Variants in PLCB3 observed in about 807,000 individuals in gnomAD.
PLCB3 encodes 1-phosphatidylinositol 4,5-bisphosphate phosphodiesterase beta-3.
A neutral mutation model predicts 152.1 loss-of-function variants in PLCB3; 54 were observed. The ratio of observed to expected loss-of-function variants is 0.36; its 90% CI spans 0.29 to 0.45. The LOEUF (loss-of-function observed/expected upper bound fraction) is 0.45, where lower values mean the gene tolerates loss of function less well. PLCB3 is among the 20% of genes least tolerant of loss of function. PLCB3 has a pLI of 1.00. For missense variants in PLCB3, 1,248 were observed against 1,687.5 expected, an observed-to-expected ratio of 0.74 and a Z score of 4.56; for synonymous variants, 717 against 698.7, an observed-to-expected ratio of 1.03 and a Z score of -0.41.
intron 10 of PLCB3, among the ~76,000 whole-genome samples, chr11:64,257,016 T>TTTTTTG (rs2031574155): frequency 8.3e-6 from 1 of 120,590 alleles, no homozygotes; most frequent in Non-Finnish European, 1.8e-5. Flanking sequence ...TTTTTTTTTT[T>TTTTTTG]TTTTTGAGAC....
chr11:64,263,022 TG>T (rs1421405651), intron 19 of PLCB3, among the ~76,000 whole-genome samples: 1 of 152,098 alleles, frequency 6.6e-6, no homozygotes, highest in East Asian at 1.9e-4. Flanking sequence ...AGATGGGGGT[TG>T]GGGGGTGTCA....
chr11:64,254,623 G>A, intron 2 of PLCB3, 125 bp from the exon 3 acceptor site: 1 of 1,362,296 alleles, frequency 7.3e-7, no homozygotes. Context: ...AGTGCTCAGG[G>A]CAGGAGCTGA....
At chr11:64,251,782 C>G in intron 1 of PLCB3, 34 bp downstream of exon 1, 2 of 1,246,894 alleles carry the variant, frequency 1.6e-6, no homozygotes, top group Non-Finnish European at 2.1e-6. Flanking sequence ...GCCCAAATCC[C>G]GGGACTCTTT....
intron 10 of PLCB3, among the ~76,000 whole-genome samples, chr11:64,257,333 G>A (rs1333122859): frequency 6.6e-6 from 1 of 152,100 alleles, no homozygotes. Flanking sequence ...GCTGGAAGGG[G>A]GTTGGGTGCG....
chr11:64,261,823 CA>C lies in PLCB3; in HGVS notation c.1914-128del, dbSNP rs2031867372. On this transcript the variant is annotated intron_variant, in intron 16 of 30. Coordinates refer to ENST00000279230, the MANE Select transcript of PLCB3 (RefSeq NM_000932.5). ...GGGCTTGGGCAGATCCAGGCAGTCT[CA>C]GGGGGCATGGCTAGGCTAAGAAACA... 4 of 1,479,740 alleles carry C rather than the reference CA, an allele frequency of 2.7e-6. No individual in the cohort carries two copies. In the Admixed American group the frequency reaches 7.0e-5, roughly 26 times the overall value. 91.7% of individuals were successfully genotyped at this position (1,479,740 alleles called of 1,614,324 possible). A position where few individuals can be genotyped will look rare whatever the true frequency, so the allele number is the denominator to read the frequency against.
chr11:64,264,575 G>GTCCTCT (rs2032019613), intron 22 of PLCB3, among the ~76,000 whole-genome samples: 1 of 152,164 alleles, frequency 6.6e-6, no homozygotes, highest in South Asian at 2.1e-4. Flanking sequence ...CTGCGGTTGA[G>GTCCTCT]TCCTCTGTTG....
chr11:64,255,631 G>GGGGGGGGGC lies in PLCB3; in HGVS notation c.597+15_597+16insGGGGGGGGC. 3.3e-6 allele frequency: 2 copies of GGGGGGGGGC among 604,018 alleles called. No homozygotes were observed. Among genetic ancestry groups the GGGGGGGGGC allele is most frequent in the Non-Finnish European group, 6.2e-6 (2 of 321,524 alleles). The allele number at this position is 604,018 out of a possible 1,614,324, so 37.4% of individuals were successfully genotyped here. A position where few individuals can be genotyped will look rare whatever the true frequency, so the allele number is the denominator to read the frequency against. ...AATTCAACCGGGTGTGTGGGGTGGG[G>GGGGGGGGGC]ACAGGGGCGGGGTGGGGTGTCACGG... is the stretch of plus-strand genomic sequence containing the variant. On this transcript the variant is annotated intron_variant, in intron 7 of 30. Coordinates refer to ENST00000279230, the MANE Select transcript of PLCB3 (RefSeq NM_000932.5). This position sits in a 1 kb window ranked among gnomAD's most constrained non-coding sequence, Gnocchi z 6.8.
At position 64,258,807 on chromosome 11, in the gene PLCB3, A is replaced by G; in HGVS notation, c.1254-78A>G. Reference sequence around the variant, plus strand: ...TGCTCAGGGACCTCCAACCCTGCGAACGGCCACTGACATGTCCCGTAGACC... The same window carrying G: ...TGCTCAGGGACCTCCAACCCTGCGAGCGGCCACTGACATGTCCCGTAGACC... On this transcript the variant is annotated intron_variant, in intron 11 of 30. Coordinates refer to ENST00000279230, the MANE Select transcript of PLCB3 (RefSeq NM_000932.5). This position sits in a 1 kb window ranked among gnomAD's most constrained non-coding sequence, Gnocchi z 7.2. The G allele has an allele frequency of 6.2e-7, 1 of 1,602,770 alleles. No individual in the cohort carries two copies. Among genetic ancestry groups the G allele is most frequent in the Non-Finnish European group, 8.5e-7 (1 of 1,170,400 alleles).
chr11:64,255,634 AGGGGC>A lies in PLCB3; in HGVS notation c.597+23_597+27del. ...TCAACCGGGTGTGTGGGGTGGGGAC[AGGGGC>A]GGGGTGGGGTGTCACGGTGGGCACC... On this transcript the variant is annotated intron_variant, in intron 7 of 30. Transcript: ENST00000279230. The surrounding 1 kb of genome is among the most constrained non-coding windows in gnomAD (Gnocchi z 6.8). The A allele has an allele frequency of 1.7e-6, 1 of 583,270 alleles. No individual in the cohort carries two copies. Among genetic ancestry groups the A allele is most frequent in the Non-Finnish European group, 3.1e-6 (1 of 325,596 alleles). 36.1% of individuals were successfully genotyped at this position (583,270 alleles called of 1,614,324 possible).
Position 64,258,903 on chromosome 11 carries a change from G to A in PLCB3, c.1272G>A (p.Lys424=). ...NHVDSAKQQA[K]MAEYCRSIFG... is the part of the protein sequence containing the mutation. ...TCCGCAGGGCAAAGCAACAGGCAAA[G>A]ATGGCTGAGTACTGCCGCTCCATCT... The change falls in exon 12 of 31, where the codon AAG becomes AAA. Residue 424 remains lysine, a synonymous_variant. Coordinates refer to ENST00000279230, the MANE Select transcript of PLCB3 (RefSeq NM_000932.5). The surrounding 1 kb of genome is among the most constrained non-coding windows in gnomAD (Gnocchi z 7.2). The A allele has an allele frequency of 1.2e-6, 2 of 1,614,026 alleles. No homozygotes were observed. The highest frequency in any genetic ancestry group is 1.7e-6 in the Non-Finnish European group (2 of 1,180,008).
chr11:64,253,809 T>C (rs1010260573), intron 1 of PLCB3, among the ~76,000 whole-genome samples: 4 of 152,148 alleles, frequency 2.6e-5, no homozygotes, highest in Admixed American at 2.6e-4. Flanking sequence ...AGTCCCCTTC[T>C]AGGGGGACTG....
rs1565339029 is a variant in PLCB3, at chr11:64,266,496, G to A, written c.3358G>A (p.Glu1120Lys). The change falls in exon 29 of 31, where the codon GAA (glutamate) becomes AAA (lysine). Residue 1120 changes from glutamate to lysine, a missense_variant and splice_region_variant. Around this residue, in one of 6 missense-constraint regions of PLCB3, gnomAD observed 477 missense variants for 489.6 expected, o/e 0.97. Transcript: ENST00000279230. The surrounding 1 kb of genome is among the most constrained non-coding windows in gnomAD (Gnocchi z 4.9). ...CCATCCTGCGTTGCTCCCGTGCAGG[G>A]AACTGACGGAGATTAACCGTCGGCA... Reference protein sequence around the residue: ...KMRDKHKKEAELTEINRRHIT... With the variant: ...KMRDKHKKEAKLTEINRRHIT... 1 of 1,613,756 alleles carries A rather than the reference G, an allele frequency of 6.2e-7. No homozygotes were observed. The highest frequency in any genetic ancestry group is 1.1e-5 in the South Asian group (1 of 91,068).
intron 8 of PLCB3, 117 bp from the exon 9 acceptor site, chr11:64,256,259 C>T (rs2031522531): frequency 2.3e-6 from 2 of 860,292 alleles, no homozygotes; most frequent in Non-Finnish European, 3.6e-6. Flanking sequence ...GAGTCCCACT[C>T]ACTGGGTGCC....
chr11:64,267,628 C>CT lies in PLCB3; in HGVS notation c.*89dup, dbSNP rs570819056. 11,320 of 772,046 alleles carry CT rather than the reference C, an allele frequency of 0.015. 8 individuals carry two copies. Among genetic ancestry groups the CT allele is most frequent in the Non-Finnish European group, 0.017 (8,640 of 510,114 alleles). The allele number at this position is 772,046 out of a possible 1,614,324, so 47.8% of individuals were successfully genotyped here. A position where few individuals can be genotyped will look rare whatever the true frequency, so the allele number is the denominator to read the frequency against. Reference sequence around the variant, plus strand: ...AGGGCAGGAGGCAATGACACTAATGCTTTTTTTTTTTTTTTTTAACTTTTT... The same window carrying CT: ...AGGGCAGGAGGCAATGACACTAATGCTTTTTTTTTTTTTTTTTTAACTTTTT... On this transcript the variant is annotated 3_prime_UTR_variant, in exon 31 of 31. Transcript: ENST00000279230. This position sits in a 1 kb window ranked among gnomAD's most constrained non-coding sequence, Gnocchi z 5.2.
In PLCB3 at chr11:64,267,479, A is replaced by AACGGTC; in HGVS notation, c.3632_3637dup (p.Gly1211_His1212dup). The AACGGTC allele has an allele frequency of 6.4e-7, 1 of 1,566,400 alleles. No individual in the cohort carries two copies. Among genetic ancestry groups the AACGGTC allele is most frequent in the Non-Finnish European group, 8.6e-7 (1 of 1,160,086 alleles). On this transcript the variant is annotated inframe_insertion, in exon 31 of 31. Transcript: ENST00000279230. The surrounding 1 kb of genome is among the most constrained non-coding windows in gnomAD (Gnocchi z 5.2). ...CGGGCCTCTGGTGGCCTGTGCCAGC[A>AACGGTC]ACGGTCACGCACCCGGGAGCAGCGG...
Position 64,262,401 on chromosome 11 carries a change from C to T in PLCB3, c.2039-6C>T. On this transcript the variant is annotated splice_polypyrimidine_tract_variant and splice_region_variant and intron_variant, in intron 17 of 30. Coordinates refer to ENST00000279230, the MANE Select transcript of PLCB3 (RefSeq NM_000932.5). ...GCCCCTGCTCGACGTGCCCGTGGCACCCCAGATGTGGCGATGCAGCTCAAC... is the reference window on the plus strand; with the variant it reads ...GCCCCTGCTCGACGTGCCCGTGGCATCCCAGATGTGGCGATGCAGCTCAAC... 1 of 1,610,996 alleles carries T rather than the reference C, an allele frequency of 6.2e-7. No homozygotes were observed. The highest frequency in any genetic ancestry group is 2.2e-5 in the East Asian group (1 of 44,788).
At chr11:64,263,965 G>T in intron 21 of PLCB3, 56 bp from the exon 22 acceptor site, 4 of 1,379,530 alleles carry the variant, frequency 2.9e-6, no homozygotes, top group African/African-American at 1.4e-5. Flanking sequence ...GAGGTGGCGG[G>T]TGGGGGTGGC....
chr11:64,251,824 C>G (rs1409140551), intron 1 of PLCB3, 76 bp downstream of exon 1: 4 of 866,564 alleles, frequency 4.6e-6, no homozygotes, highest in Non-Finnish European at 6.5e-6. Flanking sequence ...TGGGGACCCC[C>G]ACCCCAGCCT....
intron 17 of PLCB3, 95 bp from the exon 18 acceptor site, chr11:64,262,312 C>T: frequency 6.8e-7 from 1 of 1,480,916 alleles, no homozygotes; most frequent in Non-Finnish European, 9.3e-7. Context: ...TGACCCTGGA[C>T]CTTGGATGCC....
Sources: allele counts gnomAD v4.1 joint callset (sites outside exome capture counted in the v4.1 genomes callset), GRCh38; gene constraint gnomAD v4.1.1; regional missense constraint gnomAD v4.1.1; non-coding constraint Gnocchi (gnomAD v3.1); transcripts MANE v1.5; gene names NCBI Gene and HGNC (gene_info 2026-07-23, HGNC 2026-07-21).